Variants in STAU2 observed in about 807,000 individuals in gnomAD.
STAU2 encodes the protein double-stranded RNA-binding protein Staufen homolog 2.
In STAU2, 20 loss-of-function variants were observed where a neutral mutation model predicts 65.9. The observed-to-expected ratio is 0.30, with a 90% CI of 0.21 to 0.44. The LOEUF (loss-of-function observed/expected upper bound fraction) is 0.44, where lower values mean the gene tolerates loss of function less well. STAU2 is among the 20% of genes least tolerant of loss of function. STAU2 has a pLI of 1.00. For synonymous variants in STAU2, 232 were observed against 233.9 expected (o/e 0.99, Z 0.07); for missense variants, 558 against 683.9 (o/e 0.82, Z 2.05).
chr8:73,603,180 T>C (rs1811769825), intron 10 of STAU2, among the ~76,000 whole-genome samples: 1 of 152,238 alleles, frequency 6.6e-6, no homozygotes, highest in South Asian at 2.1e-4. Flanking sequence ...TTCTACTTCA[T>C]TCCTAGCCCA....
intron 13 of STAU2, among the ~76,000 whole-genome samples, chr8:73,437,748 T>A (rs1452139614): frequency 6.6e-6 from 1 of 152,086 alleles, no homozygotes; most frequent in Non-Finnish European, 1.5e-5. Context: ...AGGCTGGGCC[T>A]GAGAAGAGCG....
At chr8:73,568,145 T>A (rs1450807430) in intron 12 of STAU2, among the ~76,000 whole-genome samples, 2 of 152,228 alleles carry the variant, frequency 1.3e-5, no homozygotes, top group Non-Finnish European at 2.9e-5. Flanking sequence ...CTTTGACTAC[T>A]CTCACATCTC....
intron 5 of STAU2, among the ~76,000 whole-genome samples, chr8:73,674,505 C>T (rs1163812464): frequency 6.6e-6 from 1 of 151,738 alleles, no homozygotes. Context: ...GAAAACAAAG[C>T]AATTAAAACC....
chr8:73,571,527 C>T (rs1809088100), intron 12 of STAU2, among the ~76,000 whole-genome samples: 1 of 152,174 alleles, frequency 6.6e-6, no homozygotes, highest in African/African-American at 2.4e-5. Context: ...TGTAAAAGAA[C>T]AGAAATTATA....
At chr8:73,628,777 A>T (rs28674778) in intron 6 of STAU2, among the ~76,000 whole-genome samples, 2 of 152,176 alleles carry the variant, frequency 1.3e-5, no homozygotes, top group African/African-American at 4.8e-5. Context: ...CGATAAATTA[A>T]TTTTATAATG....
chr8:73,567,109 G>T (rs1808664014), intron 12 of STAU2, among the ~76,000 whole-genome samples: 1 of 152,094 alleles, frequency 6.6e-6, no homozygotes, highest in African/African-American at 2.4e-5. Context: ...CTACTCAAAA[G>T]ATCATTAATA....
chr8:73,741,238 G>A (rs1806845484), intron 1 of STAU2, among the ~76,000 whole-genome samples: 1 of 136,762 alleles, frequency 7.3e-6, no homozygotes, highest in African/African-American at 2.9e-5. Flanking sequence ...CCGGGAGGCG[G>A]AGCTTGCAGT....
intron 13 of STAU2, 114 bp downstream of exon 13, chr8:73,551,898 G>A (rs1037035014): frequency 1.5e-5 from 21 of 1,363,472 alleles, no homozygotes; most frequent in African/African-American, 4.3e-5. Flanking sequence ...AACTTAAAAC[G>A]TAAGTGGCAT....
At chr8:73,695,298 C>T (rs1407982640) in intron 4 of STAU2, among the ~76,000 whole-genome samples, 2 of 152,182 alleles carry the variant, frequency 1.3e-5, no homozygotes, top group Non-Finnish European at 2.9e-5. Flanking sequence ...AGGCACCAGG[C>T]AGAGCCGTGA....
chr8:73,534,049 T>C (rs1806018400), intron 13 of STAU2, among the ~76,000 whole-genome samples: 1 of 152,216 alleles, frequency 6.6e-6, no homozygotes, highest in Non-Finnish European at 1.5e-5. Context: ...AAGTTGCCTG[T>C]TAGATCATTA....
intron 11 of STAU2, 121 bp from the exon 12 acceptor site, chr8:73,582,951 C>G: frequency 1.3e-6 from 1 of 773,200 alleles, no homozygotes; most frequent in East Asian, 2.6e-5. Context: ...CATATTATCT[C>G]TATCTTTGAC....
chr8:73,613,698 A>G (rs1488666020), intron 9 of STAU2, 46 bp downstream of exon 9: 1 of 1,440,074 alleles, frequency 6.9e-7, no homozygotes, highest in Non-Finnish European at 9.5e-7. Flanking sequence ...AGCTACTATA[A>G]TATTTATTTA....
At chr8:73,667,862 G>C (rs748584894) in intron 6 of STAU2, among the ~76,000 whole-genome samples, 1 of 152,180 alleles carries the variant, frequency 6.6e-6, no homozygotes, top group Non-Finnish European at 1.5e-5. Flanking sequence ...CCTTGTGCAA[G>C]ATCACTTAAC....
intron 12 of STAU2, among the ~76,000 whole-genome samples, chr8:73,554,714 T>C (rs1362964697): frequency 6.6e-6 from 1 of 152,236 alleles, no homozygotes; most frequent in African/African-American, 2.4e-5. Flanking sequence ...CAGGGCTTCC[T>C]ATTCTACCAT....
intron 6 of STAU2, among the ~76,000 whole-genome samples, chr8:73,647,250 C>T (rs1815461525): frequency 6.6e-6 from 1 of 151,690 alleles, no homozygotes. Context: ...AAGAAATAAA[C>T]ATTTATGTCC....
chr8:73,583,657 T>TA (rs33923255), intron 11 of STAU2, among the ~76,000 whole-genome samples: 16 of 150,648 alleles, frequency 1.1e-4, no homozygotes, highest in African/African-American at 4.9e-5. Flanking sequence ...AATACAAATA[T>TA]AAAAAAAATA....
chr8:73,528,584 G>A (rs566045112), intron 13 of STAU2, among the ~76,000 whole-genome samples: 39 of 152,076 alleles, frequency 2.6e-4, no homozygotes, highest in East Asian at 3.9e-4. Flanking sequence ...CATCACTTTC[G>A]TAATAAAATT....
chr8:73,701,799 C>A (rs768241868), intron 4 of STAU2, among the ~76,000 whole-genome samples: 3 of 152,024 alleles, frequency 2.0e-5, no homozygotes, highest in Non-Finnish European at 4.4e-5. Flanking sequence ...TTTAGGAGTG[C>A]TTACAATAGC....
intron 4 of STAU2, among the ~76,000 whole-genome samples, chr8:73,695,311 C>A (rs972337706): frequency 1.3e-5 from 2 of 152,138 alleles, no homozygotes; most frequent in Non-Finnish European, 2.9e-5. Flanking sequence ...AGCCGTGAGG[C>A]CCCCATTCCA....
Sources: allele counts gnomAD v4.1 joint callset (sites outside exome capture counted in the v4.1 genomes callset), GRCh38; gene constraint gnomAD v4.1.1; transcripts MANE v1.5; gene names NCBI Gene and HGNC (gene_info 2026-07-23, HGNC 2026-07-21).